NAV3: variants seen among roughly 807,000 people sequenced by gnomAD.
NAV3 encodes pore membrane and/or filament interacting like protein 1.
Under a neutral mutation model 244.7 loss-of-function variants are expected in NAV3, and 87 were observed. The ratio of observed to expected loss-of-function variants is 0.36; its 90% confidence interval spans 0.30 to 0.42. The LOEUF (loss-of-function observed/expected upper bound fraction) is 0.42, where lower values mean the gene tolerates loss of function less well. Ranked by LOEUF, NAV3 falls within the 20% of genes least tolerant of loss-of-function variation. The pLI is 1.00. For missense variants in NAV3, 2,663 were observed against 2,893.3 expected (o/e 0.92, Z 1.83); for synonymous variants, 1,126 against 1,042.2 (o/e 1.08, Z -1.55).
intron 1 of NAV3, among the ~76,000 whole-genome samples, chr12:77,864,916 A>G (rs1879785820): frequency 6.6e-6 from 1 of 152,056 alleles, no homozygotes; most frequent in Non-Finnish European, 1.5e-5. Flanking sequence ...ACCTATTCAA[A>G]TAATGAATTA....
At chr12:77,865,241 A>G (rs1565869490) in intron 1 of NAV3, among the ~76,000 whole-genome samples, 1 of 152,060 alleles carries the variant, frequency 6.6e-6, no homozygotes, top group Non-Finnish European at 1.5e-5. Context: ...ATGTGTCTGT[A>G]TATTATTATA....
intron 16 of NAV3, among the ~76,000 whole-genome samples, chr12:78,125,029 A>C (rs972276): frequency 0.99 from 151,019 of 152,218 alleles, 74,932 homozygotes; most frequent in East Asian, 1. Flanking sequence ...GACAATAGAA[A>C]TGCAAGCAAT....
At chr12:78,126,886 A>T (rs1044012049) in intron 16 of NAV3, among the ~76,000 whole-genome samples, 1 of 152,158 alleles carries the variant, frequency 6.6e-6, no homozygotes, top group Non-Finnish European at 1.5e-5. Flanking sequence ...TATTTAATCA[A>T]TAGGATTCAG....
chr12:78,013,491 C>T (rs1875654028), intron 8 of NAV3, among the ~76,000 whole-genome samples: 1 of 152,012 alleles, frequency 6.6e-6, no homozygotes, highest in Admixed American at 6.6e-5. Flanking sequence ...GCTGAAGGAA[C>T]CACATAAACA....
At position 78,175,325 on chromosome 12, in the gene NAV3, G is replaced by A. The variant is rs1159252644; in HGVS notation, c.5001G>A (p.Gln1667=). The A allele has an allele frequency of 6.2e-7, 1 of 1,611,054 alleles. No individual in the cohort carries two copies. The highest frequency in any genetic ancestry group is 8.5e-7 in the Non-Finnish European group (1 of 1,178,060). ...HPPKDLRIRR[Q]HSSESVSSIN... ...TGCTAGATCTTCGCATCAGAAGACA[G>A]CATTCCTCTGAAAGTGTTTCTAGTA... Residue 1667 remains glutamine (Q), a synonymous_variant, in exon 25 of 40, where the codon CAG becomes CAA. Transcript: ENST00000397909.
chr12:77,828,480 A>T (rs959823503), upstream of NAV3, among the ~76,000 whole-genome samples: 5 of 152,256 alleles, frequency 3.3e-5, no homozygotes, highest in Middle Eastern at 3.4e-3. Context: ...TCACCATCAC[A>T]TCTGGTTTGT....
chr12:77,670,469 AG>A (rs1263748002), intron 2 of NAV3, among the ~76,000 whole-genome samples: 2 of 152,042 alleles, frequency 1.3e-5, no homozygotes, highest in Non-Finnish European at 2.9e-5. Flanking sequence ...TACCAAAACT[AG>A]GGAAAGACAG....
intron 1 of NAV3, among the ~76,000 whole-genome samples, chr12:77,902,437 T>C (rs1046646994): frequency 3.3e-5 from 5 of 152,224 alleles, no homozygotes; most frequent in Non-Finnish European, 5.9e-5. Context: ...TGAAGTGTTG[T>C]TGAATTTTGT....
At chr12:77,624,609 G>A (rs1871533924) in intron 2 of NAV3, among the ~76,000 whole-genome samples, 1 of 152,128 alleles carries the variant, frequency 6.6e-6, no homozygotes, top group East Asian at 1.9e-4. Flanking sequence ...TGAAGTGGCT[G>A]TTGAAGGTGG....
intron 12 of NAV3, among the ~76,000 whole-genome samples, chr12:78,059,553 C>T (rs953012881): frequency 7.2e-5 from 11 of 152,170 alleles, no homozygotes; most frequent in Non-Finnish European, 1.5e-4. Context: ...TCCCAAAGTA[C>T]TGGGATTACA....
intron 16 of NAV3, among the ~76,000 whole-genome samples, chr12:78,126,503 C>A (rs763646660): frequency 1.1e-4 from 16 of 151,958 alleles, no homozygotes; most frequent in Non-Finnish European, 1.8e-4. Flanking sequence ...CTTTTCATTC[C>A]TTCTTGTTAC....
intron 12 of NAV3, among the ~76,000 whole-genome samples, chr12:78,111,024 T>C (rs1298661598): frequency 6.6e-6 from 1 of 151,818 alleles, no homozygotes; most frequent in Non-Finnish European, 1.5e-5. Flanking sequence ...CTGGAAAGGA[T>C]GAATGGAGGG....
intron 12 of NAV3, among the ~76,000 whole-genome samples, chr12:78,100,433 C>T (rs773483439): frequency 6.6e-6 from 1 of 151,550 alleles, no homozygotes; most frequent in Non-Finnish European, 1.5e-5. Context: ...GTCTCTTTTT[C>T]TTTCATCACT....
chr12:77,742,754 T>G (rs1868361688), intron 2 of NAV3, among the ~76,000 whole-genome samples: 1 of 152,080 alleles, frequency 6.6e-6, no homozygotes, highest in Admixed American at 6.6e-5. Context: ...CATACTGTAC[T>G]TGTATAATAA....
At chr12:77,820,357 C>T (rs1284799281) in intron 2 of NAV3, among the ~76,000 whole-genome samples, 1 of 152,118 alleles carries the variant, frequency 6.6e-6, no homozygotes, top group African/African-American at 2.4e-5. Flanking sequence ...GATCAAGGCA[C>T]TGACATCTGG....
At chr12:78,137,086 A>T in intron 18 of NAV3, 91 bp from the exon 19 acceptor site, 3 of 1,178,588 alleles carry the variant, frequency 2.5e-6, no homozygotes, top group Non-Finnish European at 2.4e-6. Flanking sequence ...TGTTTTCATA[A>T]GTATTGGGAT....
intron 9 of NAV3, among the ~76,000 whole-genome samples, chr12:78,024,611 A>G (rs990563465): frequency 4.6e-5 from 7 of 152,106 alleles, no homozygotes; most frequent in African/African-American, 1.7e-4. Flanking sequence ...CTTCTCTTTA[A>G]TAGCTCCCTC....
chr12:77,641,987 TCAGTCTTAAATAGATCGG>T (rs1872435218), intron 2 of NAV3, among the ~76,000 whole-genome samples: 2 of 152,074 alleles, frequency 1.3e-5, no homozygotes, highest in African/African-American at 4.8e-5. Flanking sequence ...AAATAGAATC[TCAGTCTTAAATAGATCGG>T]CAGCCAGGCC....
chr12:78,091,633 A>G (rs1363408246), intron 12 of NAV3: 2 of 150,898 alleles, frequency 1.3e-5, no homozygotes, highest in East Asian at 1.9e-4. Context: ...CGTCTCTACT[A>G]AAAATACAAA....
Sources: allele counts gnomAD v4.1 joint callset (sites outside exome capture counted in the v4.1 genomes callset), GRCh38; gene constraint gnomAD v4.1.1; transcripts MANE v1.5; gene names NCBI Gene and HGNC (gene_info 2026-07-23, HGNC 2026-07-21).